SLC25A21: variants seen among roughly 807,000 people sequenced by gnomAD.
SLC25A21 encodes mitochondrial 2-oxodicarboxylate carrier.
A neutral mutation model predicts 43.8 loss-of-function variants in SLC25A21; 47 were observed. The observed-to-expected ratio is 1.07, with a 90% confidence interval of 0.85 to 1.37. SLC25A21 has a LOEUF of 1.37. Ranked by LOEUF, SLC25A21 falls within the 40% of genes most tolerant of loss-of-function variation. SLC25A21 has a pLI of 0.00. For synonymous variants in SLC25A21, 131 were observed against 121.3 expected (o/e 1.08, Z -0.52); for missense variants, 352 against 350.2 (o/e 1.00, Z -0.04).
intron 1 of SLC25A21, among the ~76,000 whole-genome samples, chr14:37,120,579 A>G (rs967853259): frequency 2.0e-5 from 3 of 152,162 alleles, no homozygotes; most frequent in Non-Finnish European, 2.9e-5. Flanking sequence ...CTACCCATGA[A>G]GCATAAGGAG....
rs771447285 is a variant in SLC25A21, at chr14:36,684,802, C to G, written c.727G>C (p.Gly243Arg). 9 of 1,613,900 alleles carry G rather than the reference C, an allele frequency of 5.6e-6. No individual in the cohort carries two copies. In the East Asian group the frequency reaches 1.6e-4, roughly 28 times the overall value. ...AAACAGGTTCTGTACTTGATCTCTC[C>G]AGGAACTGGTTGAGGCCCTTGAATC... ...SRIQGPQPVP[G>R]EIKYRTCFKT... is the part of the protein sequence containing the mutation. Residue 243 changes from glycine to arginine, a missense_variant, in exon 8 of 10, where the codon GGA (glycine) becomes CGA (arginine). Transcript: ENST00000331299.
At chr14:37,091,379 A>T (rs1204502396) in intron 1 of SLC25A21, among the ~76,000 whole-genome samples, 1 of 152,008 alleles carries the variant, frequency 6.6e-6, no homozygotes, top group Non-Finnish European at 1.5e-5. Context: ...GCTTGAAGTG[A>T]ACCGAGATTG....
chr14:36,684,963 C>T lies in SLC25A21; in HGVS notation c.604-38G>A, dbSNP rs766184073. Reference sequence around the variant, plus strand: ...AAGAATAATATAACAGAAAGGGGAGCGGAAGCCCCTAAATCAGTTAAACAC... The same window carrying T: ...AAGAATAATATAACAGAAAGGGGAGTGGAAGCCCCTAAATCAGTTAAACAC... On this transcript the variant is annotated intron_variant, in intron 7 of 9. Coordinates refer to ENST00000331299, the MANE Select transcript of SLC25A21 (RefSeq NM_030631.4). 3.9e-5 allele frequency: 60 copies of T among 1,552,326 alleles called. No homozygotes were observed. The East Asian group carries it at 7.7e-4, about 20-fold the overall frequency.
chr14:37,012,302 TTTTTA>T (rs1236334541), intron 1 of SLC25A21, among the ~76,000 whole-genome samples: 8 of 152,204 alleles, frequency 5.3e-5, no homozygotes, highest in Admixed American at 2.0e-4. Context: ...TCAAATTTCC[TTTTTA>T]TTTTATCTTG....
intron 2 of SLC25A21, among the ~76,000 whole-genome samples, chr14:36,824,296 A>G (rs1019480624): frequency 4.6e-5 from 7 of 152,186 alleles, no homozygotes; most frequent in Admixed American, 3.9e-4. Context: ...AATAAGGAAG[A>G]AAATATGCTT....
chr14:36,982,820 AAACAAC>A (rs985558222), intron 1 of SLC25A21, among the ~76,000 whole-genome samples: 3 of 138,566 alleles, frequency 2.2e-5, no homozygotes, highest in African/African-American at 9.7e-5. Flanking sequence ...TCTCAACAAA[AAACAAC>A]AACAACAACA....
intron 1 of SLC25A21, among the ~76,000 whole-genome samples, chr14:36,995,171 A>G (rs759809778): frequency 6.6e-6 from 1 of 152,148 alleles, no homozygotes; most frequent in Non-Finnish European, 1.5e-5. Flanking sequence ...ATTTAAAGCA[A>G]TAACTGGCTG....
intron 1 of SLC25A21, among the ~76,000 whole-genome samples, chr14:36,968,770 T>C (rs1279975412): frequency 6.6e-6 from 1 of 152,200 alleles, no homozygotes; most frequent in Non-Finnish European, 1.5e-5. Context: ...TTTTCTGTGC[T>C]ACCCCAACAG....
chr14:37,172,030 G>A (rs1397581186), intron 1 of SLC25A21: 15 of 544,116 alleles, frequency 2.8e-5, no homozygotes, highest in Non-Finnish European at 4.9e-5. Flanking sequence ...GCTAGGAACG[G>A]ACAATGCCGG....
At chr14:37,076,161 TTTC>T (rs1166698885) in intron 1 of SLC25A21, among the ~76,000 whole-genome samples, 2 of 152,218 alleles carry the variant, frequency 1.3e-5, no homozygotes, top group African/African-American at 2.4e-5. Flanking sequence ...TCTTTTTTTC[TTTC>T]TTCTTCTTTT....
At chr14:37,090,712 A>C (rs2138850173) in intron 1 of SLC25A21, among the ~76,000 whole-genome samples, 1 of 152,306 alleles carries the variant, frequency 6.6e-6, no homozygotes, top group East Asian at 1.9e-4. Context: ...CTTTCAATTA[A>C]GAGAAATAAA....
chr14:36,716,541 A>G (rs1257461702), intron 6 of SLC25A21, among the ~76,000 whole-genome samples: 1 of 152,194 alleles, frequency 6.6e-6, no homozygotes, highest in Non-Finnish European at 1.5e-5. Flanking sequence ...AATAAAATAT[A>G]TTTTAAAATA....
chr14:36,698,769 T>A (rs1166166504), intron 7 of SLC25A21, among the ~76,000 whole-genome samples: 1 of 152,158 alleles, frequency 6.6e-6, no homozygotes, highest in East Asian at 1.9e-4. Flanking sequence ...CTGCATCAGG[T>A]CATTTAAGGT....
At chr14:36,861,808 T>C (rs1289390142) in intron 2 of SLC25A21, among the ~76,000 whole-genome samples, 2 of 152,144 alleles carry the variant, frequency 1.3e-5, no homozygotes, top group East Asian at 1.9e-4. Context: ...ACACTGAAAA[T>C]AGGCATGGTA....
chr14:36,916,364 T>C (rs1891832780), intron 1 of SLC25A21, among the ~76,000 whole-genome samples: 1 of 152,178 alleles, frequency 6.6e-6, no homozygotes, highest in South Asian at 2.1e-4. Flanking sequence ...GACCTGACTA[T>C]CAGGGAGAAT....
At chr14:36,740,637 T>A (rs1000758110) in intron 3 of SLC25A21, among the ~76,000 whole-genome samples, 2 of 86,714 alleles carry the variant, frequency 2.3e-5, no homozygotes, top group African/African-American at 8.7e-5. Flanking sequence ...CCCACCCCCA[T>A]CTTAAAAGTG....
chr14:37,031,747 G>A (rs1961215529), intron 1 of SLC25A21, among the ~76,000 whole-genome samples: 1 of 152,158 alleles, frequency 6.6e-6, no homozygotes, highest in African/African-American at 2.4e-5. Context: ...AAGGACCTTA[G>A]AAACTATCAT....
At chr14:37,076,322 A>C (rs533952830) in intron 1 of SLC25A21, among the ~76,000 whole-genome samples, 252 of 147,304 alleles carry the variant, frequency 1.7e-3, no homozygotes, top group African/African-American at 6.3e-3. Flanking sequence ...CACCAGGCCC[A>C]GCGAATTTTT....
intron 4 of SLC25A21, among the ~76,000 whole-genome samples, chr14:36,730,972 GGTT>G (rs61115428): frequency 0.25 from 37,156 of 149,034 alleles, 4,689 homozygotes; most frequent in Middle Eastern, 0.31. Flanking sequence ...TATAATCTTA[GGTT>G]TTTTTTTTTT....
Sources: allele counts gnomAD v4.1 joint callset (sites outside exome capture counted in the v4.1 genomes callset), GRCh38; gene constraint gnomAD v4.1.1; transcripts MANE v1.5; gene names NCBI Gene and HGNC (gene_info 2026-07-23, HGNC 2026-07-21).